PDGFRA: variants seen among roughly 807,000 people sequenced by gnomAD.
The protein encoded by PDGFRA is platelet derived growth factor receptor alpha.
A neutral mutation model predicts 121.5 loss-of-function variants in PDGFRA; 25 were observed. That is an observed-to-expected ratio of 0.21 (90% CI 0.15 to 0.29). The LOEUF is 0.29. Among genes scored for constraint, PDGFRA ranks in the 10% least tolerant of loss-of-function variants. The pLI is 1.00. For synonymous variants in PDGFRA, 463 were observed against 494.8 expected (o/e 0.94, Z 0.85); for missense variants, 1,008 against 1,345.1 (o/e 0.75, Z 3.92).
At chr4:54,270,285 A>T (rs930925068) in intron 7 of PDGFRA, among the ~76,000 whole-genome samples, 4 of 152,194 alleles carry the variant, frequency 2.6e-5, no homozygotes, top group Admixed American at 6.5e-5. Context: ...AGTATTTTTT[A>T]AAAAAGGTAA....
chr4:54,255,654 T>C (rs1452142366), intron 1 of PDGFRA, among the ~76,000 whole-genome samples: 1 of 151,874 alleles, frequency 6.6e-6, no homozygotes, highest in Admixed American at 6.6e-5. Flanking sequence ...TACAGGTGCC[T>C]GCCACCACGC....
chr4:54,292,999 A>G (rs1724706834), intron 22 of PDGFRA, among the ~76,000 whole-genome samples: 1 of 152,234 alleles, frequency 6.6e-6, no homozygotes, highest in Non-Finnish European at 1.5e-5. Context: ...TTATCCATGT[A>G]ACCTGCACAC....
intron 8 of PDGFRA, among the ~76,000 whole-genome samples, chr4:54,271,556 CCCTTCCTT>C (rs571664897): frequency 6.6e-6 from 1 of 151,314 alleles, no homozygotes; most frequent in Non-Finnish European, 1.5e-5. Context: ...TTCCCTCCCT[CCCTTCCTT>C]CCTTCCTTCC....
Position 54,263,788 on chromosome 4 carries a change from C to T in PDGFRA, c.489C>T (p.Asn163=), listed in dbSNP as rs576890188. ...TDPETPVTLH[N]SEGVVPASYD... is the part of the protein sequence containing the mutation. ...CCGAGACTCCTGTAACCTTACACAA[C>T]AGTGAGGGGGTGGTACCTGCCTCCT... is the stretch of plus-strand genomic sequence containing the variant. The change falls in exon 4 of 23, where the codon AAC becomes AAT. Residue 163 remains asparagine, a synonymous_variant. Coordinates refer to ENST00000257290, the MANE Select transcript of PDGFRA (RefSeq NM_006206.6). 4 of 1,614,096 alleles carry T rather than the reference C, an allele frequency of 2.5e-6. No homozygotes were observed. The highest frequency in any genetic ancestry group is 1.1e-5 in the South Asian group (1 of 91,084).
At position 54,290,448 on chromosome 4, in the gene PDGFRA, G is replaced by C; in HGVS notation, c.3016G>C (p.Gly1006Arg). 6.2e-7 allele frequency: 1 copy of C among 1,613,994 alleles called. No individual in the cohort carries two copies. Among genetic ancestry groups the C allele is most frequent in the Non-Finnish European group, 8.5e-7 (1 of 1,179,846 alleles). ...AGACAAGCTGAAGGACTGGGAGGGT[G>C]GTCTGGATGAGCAGAGACTGAGCGC... is the stretch of plus-strand genomic sequence containing the variant. ...EEDKLKDWEG[G>R]LDEQRLSADS... Residue 1006 changes from glycine to arginine, a missense_variant, in exon 22 of 23, where the codon GGT becomes CGT. Around this residue, in one of 5 missense-constraint regions of PDGFRA, gnomAD observed 204 missense variants for 243.0 expected, o/e 0.84. Coordinates refer to ENST00000257290, the MANE Select transcript of PDGFRA (RefSeq NM_006206.6).
chr4:54,291,303 A>G (rs1724621709), intron 22 of PDGFRA, among the ~76,000 whole-genome samples: 1 of 152,180 alleles, frequency 6.6e-6, no homozygotes, highest in East Asian at 1.9e-4. Flanking sequence ...GTGTCTCTTA[A>G]AGATAAGGGC....
At chr4:54,253,740 AGTG>A (rs1317434522) in intron 1 of PDGFRA, among the ~76,000 whole-genome samples, 3 of 151,976 alleles carry the variant, frequency 2.0e-5, no homozygotes, top group Non-Finnish European at 4.4e-5. Flanking sequence ...GCTGGAGTGC[AGTG>A]GTGTGATCTT....
chr4:54,295,310 AC>A lies in PDGFRA; in HGVS notation c.*40del. On this transcript the variant is annotated 3_prime_UTR_variant, in exon 23 of 23. Coordinates refer to ENST00000257290, the MANE Select transcript of PDGFRA (RefSeq NM_006206.6). ...AGGGGTTCCTTCCACTTCTGGGGCC[AC>A]CTCTGGATCCCGTTCAGAAAACCAC... 1 of 1,609,826 alleles carries A rather than the reference AC, an allele frequency of 6.2e-7. No homozygotes were observed. Among genetic ancestry groups the A allele is most frequent in the Non-Finnish European group, 8.5e-7 (1 of 1,176,574 alleles).
chr4:54,280,746 C>A (rs1206767391), intron 16 of PDGFRA: 5 of 268,058 alleles, frequency 1.9e-5, no homozygotes, highest in East Asian at 6.4e-5. Context: ...TGTGTTCCTG[C>A]AGTAAACATT....
chr4:54,267,380 A>C lies in PDGFRA; in HGVS notation c.851A>C (p.Asp284Ala). Residue 284 changes from aspartate (D) to alanine (A), a missense_variant, in exon 6 of 23, where the codon GAC becomes GCC. By Grantham distance (126) the Asp-to-Ala change is moderately radical. This residue lies in a region of PDGFRA where 575 missense variants were observed against 701.8 expected (regional missense o/e 0.82). Transcript: ENST00000257290. The stretch of plus-strand genomic sequence containing the variant: ...ACGGTCCCCGAGGCCACGGTGAAAG[A>C]CAGTGGAGATTACGAATGTGCTGCC... The part of the protein sequence containing the change: ...TLTVPEATVK[D>A]SGDYECAARQ... 6.2e-7 allele frequency: 1 copy of C among 1,614,204 alleles called. No individual in the cohort carries two copies. The highest frequency in any genetic ancestry group is 8.5e-7 in the Non-Finnish European group (1 of 1,180,020).
chr4:54,268,440 T>C (rs1723159433), intron 7 of PDGFRA, among the ~76,000 whole-genome samples: 2 of 152,156 alleles, frequency 1.3e-5, no homozygotes, highest in Admixed American at 1.3e-4. Context: ...TAAGCTGTGA[T>C]TAGAACCCAA....
At position 54,232,993 on chromosome 4, in the gene PDGFRA, G is replaced by A. The variant is rs566962419; in HGVS notation, c.-13+3578G>A. Among the ~76,000 whole-genome samples, 10 of 152,204 alleles carry A rather than the reference G, an allele frequency of 6.6e-5. No individual in the cohort carries two copies. In the East Asian group the frequency reaches 9.7e-4, roughly 15 times the overall value. On this transcript the variant is annotated intron_variant, in intron 1 of 22. Transcript: ENST00000257290. ...TCTCGTGCCCATAGGAGGCGCTGGC[G>A]AGCTCCTGTAACCCTAAACCCCTCG...
intron 10 of PDGFRA, among the ~76,000 whole-genome samples, chr4:54,274,297 G>A (rs1261861621): frequency 6.6e-6 from 1 of 152,178 alleles, no homozygotes; most frequent in Non-Finnish European, 1.5e-5. Flanking sequence ...AAAATACTGA[G>A]TTCTCCTGAT....
intron 1 of PDGFRA, among the ~76,000 whole-genome samples, chr4:54,232,085 C>A (rs1183071042): frequency 6.6e-6 from 1 of 152,236 alleles, no homozygotes; most frequent in Non-Finnish European, 1.5e-5. Flanking sequence ...CCTTTGACCT[C>A]CGGGGAGCTG....
At chr4:54,231,024 G>T (rs961403340) in intron 1 of PDGFRA, among the ~76,000 whole-genome samples, 8 of 152,338 alleles carry the variant, frequency 5.3e-5, no homozygotes, top group African/African-American at 1.9e-4. Flanking sequence ...CCAGGTGTGC[G>T]AGAGCTGCCG....
rs186951279 is a variant in PDGFRA at position 54,232,480 on chromosome 4, G to C, written c.-13+3065G>C. Reference sequence around the variant, plus strand: ...GCCTCCTTCCCTGCCTCCTACTGCAGTTTCTCGGCCCCCGCGAAAGGGGAG... The same window carrying C: ...GCCTCCTTCCCTGCCTCCTACTGCACTTTCTCGGCCCCCGCGAAAGGGGAG... On this transcript the variant is annotated intron_variant, in intron 1 of 22. Transcript: ENST00000257290. Among the ~76,000 whole-genome samples the C allele has an allele frequency of 2.6e-3, 390 of 152,362 alleles. 1 individual carries two copies. Among genetic ancestry groups the C allele is most frequent in the African/African-American group, 8.1e-3 (337 of 41,590 alleles).
At chr4:54,284,875 CTATCTTTTTTT>C (rs1560488464) in intron 16 of PDGFRA, among the ~76,000 whole-genome samples, 1 of 104,116 alleles carries the variant, frequency 9.6e-6, no homozygotes, top group Non-Finnish European at 1.9e-5. Context: ...TTCATTCTTT[CTATCTTTTTTT>C]TTTTTTTTTT....
chr4:54,247,288 A>G (rs867378590), intron 1 of PDGFRA, among the ~76,000 whole-genome samples: 6 of 152,194 alleles, frequency 3.9e-5, no homozygotes, highest in Non-Finnish European at 8.8e-5. Flanking sequence ...TTAGACCAAT[A>G]TCCTTGGTGA....
intron 16 of PDGFRA, chr4:54,281,594 A>C (rs879750733): frequency 1.5e-6 from 2 of 1,352,032 alleles, no homozygotes; most frequent in Non-Finnish European, 1.9e-6. Context: ...GGGCTGGTGG[A>C]GTTGGCACGA....
Sources: allele counts gnomAD v4.1 joint callset (sites outside exome capture counted in the v4.1 genomes callset), GRCh38; gene constraint gnomAD v4.1.1; regional missense constraint gnomAD v4.1.1; transcripts MANE v1.5; gene names NCBI Gene and HGNC (gene_info 2026-07-23, HGNC 2026-07-21).